Variants in BASP1 observed in about 807,000 individuals in gnomAD.
The protein encoded by BASP1 is brain acid soluble protein 1.
BASP1 carries 1 observed loss-of-function variant against 2.2 expected under a neutral mutation model. The ratio of observed to expected loss-of-function variants is 0.46; its 90% CI spans 0.16 to 2.17. BASP1 has a LOEUF of 2.17. Ranked by LOEUF, BASP1 falls within the 30% of genes most tolerant of loss-of-function variation. The pLI, the probability that BASP1 is intolerant of heterozygous loss-of-function variation, is 0.27. For synonymous variants in BASP1, 187 were observed against 154.2 expected, an observed-to-expected ratio of 1.21 and a Z score of -1.58; for missense variants, 352 against 327.2, an observed-to-expected ratio of 1.08 and a Z score of -0.58.
At chr5:17,225,100 G>T (rs185074131) in intron 1 of BASP1, among the ~76,000 whole-genome samples, 1 of 152,264 alleles carries the variant, frequency 6.6e-6, no homozygotes, top group Non-Finnish European at 1.5e-5. Context: ...AGAGTCCCAC[G>T]AGCTGCTTAT....
intron 1 of BASP1, among the ~76,000 whole-genome samples, chr5:17,244,596 C>G (rs911004946): frequency 1.3e-5 from 2 of 152,050 alleles, no homozygotes; most frequent in East Asian, 3.9e-4. Flanking sequence ...CATCGTCAGA[C>G]TTAAGAGTTC....
chr5:17,270,160 C>T (rs1273003388), intron 1 of BASP1, among the ~76,000 whole-genome samples: 1 of 152,106 alleles, frequency 6.6e-6, no homozygotes, highest in Non-Finnish European at 1.5e-5. Context: ...ACCACCACAT[C>T]TGGCTAATTT....
chr5:17,274,832 T>G (rs922984150), intron 1 of BASP1, among the ~76,000 whole-genome samples: 1 of 152,190 alleles, frequency 6.6e-6, no homozygotes, highest in African/African-American at 2.4e-5. Context: ...TTTTTAAAAT[T>G]TTTAACTTTT....
rs1275130716 is a variant in BASP1 at position 17,276,572 on chromosome 5, C to T, written c.*672C>T. On this transcript the variant is annotated 3_prime_UTR_variant, in exon 2 of 2. Transcript: ENST00000322611. ...CTTAGCCTACCTAGATTTCTCATGACGAGTTAATGCATGTCCGTGGTTGGG... is the reference window on the plus strand; with the variant it reads ...CTTAGCCTACCTAGATTTCTCATGATGAGTTAATGCATGTCCGTGGTTGGG... 1.3e-5 allele frequency: 2 copies of T among 155,578 alleles called. No individual in the cohort carries two copies. The highest frequency in any genetic ancestry group is 5.4e-5 in the African/African-American group (2 of 37,300). The allele number at this position is 155,578 out of a possible 1,614,324, so 9.6% of individuals were successfully genotyped here.
chr5:17,234,132 AAAAC>A (rs994719398), intron 1 of BASP1, among the ~76,000 whole-genome samples: 22 of 152,282 alleles, frequency 1.4e-4, no homozygotes, highest in Middle Eastern at 3.4e-3. Flanking sequence ...CTCAGTCTCA[AAAAC>A]AAACAAACAA....
chr5:17,244,331 CAAT>C (rs2126502799), intron 1 of BASP1, among the ~76,000 whole-genome samples: 1 of 152,272 alleles, frequency 6.6e-6, no homozygotes, highest in African/African-American at 2.4e-5. Flanking sequence ...ATTTAGGTAA[CAAT>C]GATATCAAAC....
intron 1 of BASP1, among the ~76,000 whole-genome samples, chr5:17,244,337 T>TA (rs1457822617): frequency 7.2e-5 from 11 of 152,218 alleles, no homozygotes; most frequent in African/African-American, 2.7e-4. Context: ...GTAACAATGA[T>TA]ATCAAACCTC....
chr5:17,261,185 G>A (rs911280354), intron 1 of BASP1, among the ~76,000 whole-genome samples: 5 of 152,222 alleles, frequency 3.3e-5, no homozygotes, highest in African/African-American at 1.2e-4. Context: ...TTACATTTAT[G>A]TAGGGAATAC....
At chr5:17,221,427 C>G (rs944622513) in intron 1 of BASP1, among the ~76,000 whole-genome samples, 5 of 146,412 alleles carry the variant, frequency 3.4e-5, no homozygotes, top group African/African-American at 1.0e-4. Flanking sequence ...TTGTCAGAAG[C>G]AATTGCCCTT....
chr5:17,230,591 CAG>C (rs746558245), intron 1 of BASP1, among the ~76,000 whole-genome samples: 9 of 151,942 alleles, frequency 5.9e-5, no homozygotes, highest in Non-Finnish European at 1.3e-4. Context: ...TTTTTTGAGA[CAG>C]GGGCTCGCTC....
intron 1 of BASP1, among the ~76,000 whole-genome samples, chr5:17,239,958 T>A (rs1169006109): frequency 1.3e-5 from 2 of 152,078 alleles, no homozygotes; most frequent in Non-Finnish European, 2.9e-5. Context: ...GACCCTATGC[T>A]ATGGTTTGAA....
chr5:17,266,944 T>G (rs1740426687), intron 1 of BASP1, among the ~76,000 whole-genome samples: 1 of 152,226 alleles, frequency 6.6e-6, no homozygotes, highest in Non-Finnish European at 1.5e-5. Flanking sequence ...GGTTTCGTTT[T>G]GTTAAGTGGT....
intron 1 of BASP1, among the ~76,000 whole-genome samples, chr5:17,229,928 G>A (rs1239625757): frequency 3.3e-5 from 5 of 151,916 alleles, no homozygotes; most frequent in African/African-American, 4.8e-5. Context: ...GATTATAGGC[G>A]TGTGCCACCA....
rs1740287181 is a variant in BASP1, at chr5:17,260,076, T to C, written c.-9-15132T>C. Among the ~76,000 whole-genome samples the C allele has an allele frequency of 6.6e-6, 1 of 152,234 alleles. No homozygotes were observed. Among genetic ancestry groups the C allele is most frequent in the Non-Finnish European group, 1.5e-5 (1 of 68,038 alleles). On this transcript the variant is annotated intron_variant, in intron 1 of 1. Transcript: ENST00000322611. This position sits in a 1 kb window ranked among gnomAD's most constrained non-coding sequence, Gnocchi z 4.2. ...AGCAGGTGATTCATGTAAAATCATA[T>C]GTTAGGCTGCAATAACTGGGGCTTT...
chr5:17,242,979 T>A (rs1042968364), intron 1 of BASP1, among the ~76,000 whole-genome samples: 4 of 152,064 alleles, frequency 2.6e-5, no homozygotes, highest in African/African-American at 9.7e-5. Context: ...AGTGTTGTCG[T>A]CCCTGTAAGT....
At chr5:17,238,810 G>A (rs1317812425) in intron 1 of BASP1, among the ~76,000 whole-genome samples, 1 of 152,178 alleles carries the variant, frequency 6.6e-6, no homozygotes, top group Non-Finnish European at 1.5e-5. Flanking sequence ...CGTTTTCAAA[G>A]AATGTGTGGA....
At chr5:17,261,085 G>T (rs970296125) in intron 1 of BASP1, among the ~76,000 whole-genome samples, 1 of 152,204 alleles carries the variant, frequency 6.6e-6, no homozygotes, top group African/African-American at 2.4e-5. Flanking sequence ...TTAGATAAAT[G>T]ACCAAAGATG....
chr5:17,232,978 TA>T (rs1055966642), intron 1 of BASP1, among the ~76,000 whole-genome samples: 9 of 152,232 alleles, frequency 5.9e-5, no homozygotes, highest in Non-Finnish European at 1.3e-4. Flanking sequence ...TCTTATTAAA[TA>T]AAAAAGTTTG....
intron 1 of BASP1, among the ~76,000 whole-genome samples, chr5:17,227,019 C>T (rs1318883595): frequency 1.3e-5 from 2 of 151,046 alleles, no homozygotes; most frequent in African/African-American, 2.4e-5. Flanking sequence ...ACCTCAGCCT[C>T]CTGGGTTCAA....
Sources: allele counts gnomAD v4.1 joint callset (sites outside exome capture counted in the v4.1 genomes callset), GRCh38; gene constraint gnomAD v4.1.1; non-coding constraint Gnocchi (gnomAD v3.1); transcripts MANE v1.5; gene names NCBI Gene and HGNC (gene_info 2026-07-23, HGNC 2026-07-21).